Variants in RSRC1 observed in about 807,000 individuals in gnomAD.
RSRC1 encodes the protein serine/Arginine-related protein 53.
Under a neutral mutation model 49.1 loss-of-function variants are expected in RSRC1, and 39 were observed. That is an observed-to-expected ratio of 0.79 (90% confidence interval 0.61 to 1.04). RSRC1 has a LOEUF of 1.04. Ranked by LOEUF, RSRC1 falls within the 50% of genes least tolerant of loss-of-function variation. The pLI, the probability that RSRC1 is intolerant of heterozygous loss-of-function variation, is 0.00. For missense variants in RSRC1, 388 were observed against 402.4 expected, an observed-to-expected ratio of 0.96 and a Z score of 0.31; for synonymous variants, 143 against 130.8, an observed-to-expected ratio of 1.09 and a Z score of -0.63.
At chr3:158,120,637 A>G (rs949460356) in intron 1 of RSRC1, among the ~76,000 whole-genome samples, 1 of 147,080 alleles carries the variant, frequency 6.8e-6, no homozygotes, top group Non-Finnish European at 1.5e-5. Context: ...TTAATGTTAA[A>G]CATACTATAC....
chr3:158,405,397 G>A (rs752057627), intron 6 of RSRC1, among the ~76,000 whole-genome samples: 3 of 152,100 alleles, frequency 2.0e-5, no homozygotes, highest in Non-Finnish European at 4.4e-5. Context: ...TTATGAACTG[G>A]TAAACATTTA....
chr3:158,443,037 G>A (rs920837160), intron 6 of RSRC1, among the ~76,000 whole-genome samples: 1 of 152,010 alleles, frequency 6.6e-6, no homozygotes, highest in Non-Finnish European at 1.5e-5. Flanking sequence ...CATAAACCAT[G>A]CTATAAACAG....
chr3:158,407,317 AG>A (rs1734203552), intron 6 of RSRC1, among the ~76,000 whole-genome samples: 1 of 152,218 alleles, frequency 6.6e-6, no homozygotes, highest in African/African-American at 2.4e-5. Flanking sequence ...AAGACTCAGT[AG>A]GATCTATTAA....
chr3:158,459,049 T>A (rs1053455362), intron 6 of RSRC1, among the ~76,000 whole-genome samples: 5 of 152,090 alleles, frequency 3.3e-5, no homozygotes, highest in African/African-American at 1.2e-4. Flanking sequence ...AATTTTCAAG[T>A]GTGTGCTTTT....
chr3:158,379,814 GCA>G (rs140953408), intron 6 of RSRC1, among the ~76,000 whole-genome samples: 58 of 146,828 alleles, frequency 4.0e-4, no homozygotes, highest in African/African-American at 9.0e-4. Context: ...ACACGCGCAT[GCA>G]CACACACACA....
intron 6 of RSRC1, among the ~76,000 whole-genome samples, chr3:158,424,953 A>G (rs1241046252): frequency 2.1e-4 from 31 of 150,710 alleles, no homozygotes; most frequent in Non-Finnish European, 3.1e-4. Context: ...TATTGCGTCT[A>G]TTTGATTCTT....
At chr3:158,358,064 G>A (rs542117334) in intron 6 of RSRC1, among the ~76,000 whole-genome samples, 40 of 152,076 alleles carry the variant, frequency 2.6e-4, no homozygotes, top group Non-Finnish European at 4.9e-4. Flanking sequence ...ATTTAGCCAC[G>A]ATTTTTAGTG....
chr3:158,355,032 AT>A, intron 6 of RSRC1, 124 bp downstream of exon 6: 1 of 605,146 alleles, frequency 1.7e-6, no homozygotes, highest in Non-Finnish European at 2.7e-6. Context: ...AATTTATCAG[AT>A]CTAGATTATA....
intron 7 of RSRC1, among the ~76,000 whole-genome samples, chr3:158,467,886 C>A (rs1173998225): frequency 6.6e-6 from 1 of 152,152 alleles, no homozygotes; most frequent in African/African-American, 2.4e-5. Flanking sequence ...CAATTAAATA[C>A]CAGCACAGAA....
intron 7 of RSRC1, among the ~76,000 whole-genome samples, chr3:158,495,475 AG>A (rs1379092282): frequency 6.6e-6 from 1 of 152,102 alleles, no homozygotes; most frequent in South Asian, 2.1e-4. Flanking sequence ...TGGTAGAGAC[AG>A]GGTTTCACCA....
chr3:158,149,786 T>G (rs1390655662), intron 3 of RSRC1, among the ~76,000 whole-genome samples: 2 of 152,158 alleles, frequency 1.3e-5, no homozygotes, highest in African/African-American at 2.4e-5. Context: ...GTAACTACCA[T>G]GTCTATTTAT....
chr3:158,245,318 G>A (rs1018322402), intron 4 of RSRC1, among the ~76,000 whole-genome samples: 1 of 152,032 alleles, frequency 6.6e-6, no homozygotes, highest in Non-Finnish European at 1.5e-5. Flanking sequence ...CAGCTTCCAT[G>A]TACTTGTATG....
intron 3 of RSRC1, among the ~76,000 whole-genome samples, chr3:158,151,373 A>G (rs1433107991): frequency 6.6e-6 from 1 of 152,166 alleles, no homozygotes; most frequent in Non-Finnish European, 1.5e-5. Flanking sequence ...TGTGTCTTCA[A>G]AGATTAGGAT....
intron 6 of RSRC1, among the ~76,000 whole-genome samples, chr3:158,452,309 C>G (rs1051910330): frequency 2.6e-5 from 4 of 152,102 alleles, no homozygotes; most frequent in African/African-American, 9.7e-5. Context: ...ATAAAATATT[C>G]ATACTTAGAA....
chr3:158,386,134 A>T (rs1248896005), intron 6 of RSRC1, among the ~76,000 whole-genome samples: 1 of 152,100 alleles, frequency 6.6e-6, no homozygotes, highest in Non-Finnish European at 1.5e-5. Flanking sequence ...TTAAGGTATT[A>T]TATGTTTTAG....
At chr3:158,403,054 A>T (rs1009231387) in intron 6 of RSRC1, among the ~76,000 whole-genome samples, 2 of 151,838 alleles carry the variant, frequency 1.3e-5, no homozygotes, top group African/African-American at 2.4e-5. Context: ...TAAAACCCTC[A>T]GTTACTAAGC....
chr3:158,130,063 G>A (rs1715914950), intron 3 of RSRC1, among the ~76,000 whole-genome samples: 1 of 152,178 alleles, frequency 6.6e-6, no homozygotes, highest in South Asian at 2.1e-4. Flanking sequence ...TGCCTGGGAG[G>A]TTAGAGATCA....
intron 7 of RSRC1, among the ~76,000 whole-genome samples, chr3:158,535,702 A>C (rs563293154): frequency 6.6e-6 from 1 of 151,466 alleles, no homozygotes; most frequent in Non-Finnish European, 1.5e-5. Context: ...ATCAACTTCA[A>C]GAGGATCCTA....
intron 4 of RSRC1, among the ~76,000 whole-genome samples, chr3:158,280,674 T>C (rs1241039794): frequency 1.5e-5 from 2 of 134,688 alleles, no homozygotes; most frequent in Non-Finnish European, 3.1e-5. Flanking sequence ...TGAGACGGAG[T>C]CTTGCTCTTT....
Sources: allele counts gnomAD v4.1 joint callset (sites outside exome capture counted in the v4.1 genomes callset), GRCh38; gene constraint gnomAD v4.1.1; transcripts MANE v1.5; gene names NCBI Gene and HGNC (gene_info 2026-07-23, HGNC 2026-07-21).